DCP2: variants seen among roughly 807,000 people sequenced by gnomAD.
DCP2 encodes the protein decapping mRNA 2, also known as m7GpppN-mRNA hydrolase.
Under a neutral mutation model 56.1 loss-of-function variants are expected in DCP2, and 30 were observed. That is an observed-to-expected ratio of 0.53 (90% confidence interval 0.40 to 0.73). The LOEUF (loss-of-function observed/expected upper bound fraction) is 0.73, where lower values mean the gene tolerates loss of function less well. Ranked by LOEUF, DCP2 falls within the 30% of genes least tolerant of loss-of-function variation. The pLI is 0.00. For synonymous variants in DCP2, 197 were observed against 163.3 expected (o/e 1.21, Z -1.57); for missense variants, 533 against 502.7 (o/e 1.06, Z -0.58).
chr5:112,986,029 A>G (rs1748267445), intron 2 of DCP2, 43 bp downstream of exon 2: 2 of 1,474,158 alleles, frequency 1.4e-6, no homozygotes, highest in East Asian at 2.3e-5. Flanking sequence ...CTTGTTAGCA[A>G]TATATTTTAG....
chr5:113,005,223 A>G (rs924683539), intron 8 of DCP2, among the ~76,000 whole-genome samples: 9 of 152,030 alleles, frequency 5.9e-5, no homozygotes, highest in African/African-American at 1.7e-4. Context: ...TTTTCAAAAT[A>G]GTGAAAAAGT....
intron 10 of DCP2, among the ~76,000 whole-genome samples, chr5:113,011,211 T>A (rs146945719): frequency 2.6e-4 from 39 of 152,298 alleles, no homozygotes; most frequent in African/African-American, 9.4e-4. Flanking sequence ...CTGTGGTTCT[T>A]CCCATACACA....
At chr5:113,000,062 A>C (rs1164692927) in intron 4 of DCP2, among the ~76,000 whole-genome samples, 2 of 17,962 alleles carry the variant, frequency 1.1e-4, no homozygotes, top group African/African-American at 2.5e-4. Flanking sequence ...ACTCCATCTC[A>C]AAAAAAAAAA....
At chr5:113,000,337 AGATTG>A (rs1749100339) in intron 4 of DCP2, among the ~76,000 whole-genome samples, 2 of 151,090 alleles carry the variant, frequency 1.3e-5, no homozygotes, top group African/African-American at 2.4e-5. Context: ...CAAAGTACTG[AGATTG>A]CAGGTGTGAG....
At chr5:113,012,758 C>G (rs369550422) in intron 10 of DCP2, among the ~76,000 whole-genome samples, 6 of 152,338 alleles carry the variant, frequency 3.9e-5, no homozygotes, top group African/African-American at 1.4e-4. Flanking sequence ...ATTCTCCTGC[C>G]TCAGCCTTCT....
At chr5:112,992,296 C>T (rs200196693) in intron 3 of DCP2, 48 bp downstream of exon 3, 5 of 1,572,882 alleles carry the variant, frequency 3.2e-6, no homozygotes, top group African/African-American at 2.8e-5. Context: ...GATCGTTAAT[C>T]TGTTAACAAA....
intron 7 of DCP2, among the ~76,000 whole-genome samples, chr5:113,003,494 C>T (rs1037739799): frequency 3.3e-5 from 5 of 151,920 alleles, no homozygotes; most frequent in East Asian, 1.9e-4. Context: ...GAGGATGGCT[C>T]GAGCCTGAGA....
chr5:112,980,097 A>T (rs773272023), intron 1 of DCP2, among the ~76,000 whole-genome samples: 5 of 152,210 alleles, frequency 3.3e-5, no homozygotes, highest in Admixed American at 6.5e-5. Context: ...TTTTATGGTG[A>T]TACTTGTTTT....
rs538443876 is a variant in DCP2 at position 113,021,175 on chromosome 5, C to T, written c.*7691C>T. On this transcript the variant is annotated 3_prime_UTR_variant, in exon 11 of 11. Coordinates refer to ENST00000389063, the MANE Select transcript of DCP2 (RefSeq NM_152624.6). ...TGGGTGGATCACGAGGTCAGGAGTTCGAGACCAGCCTGACCAACATGGTGA... is the reference window on the plus strand; with the variant it reads ...TGGGTGGATCACGAGGTCAGGAGTTTGAGACCAGCCTGACCAACATGGTGA... Among the ~76,000 whole-genome samples the T allele has an allele frequency of 5.3e-5, 8 of 152,000 alleles. No individual in the cohort carries two copies. Among genetic ancestry groups the T allele is most frequent in the South Asian group, 2.1e-4 (1 of 4,802 alleles).
rs867772049 is a variant in DCP2 at position 113,019,184 on chromosome 5, G to C, written c.*5700G>C. On this transcript the variant is annotated 3_prime_UTR_variant, in exon 11 of 11. Coordinates refer to ENST00000389063, the MANE Select transcript of DCP2 (RefSeq NM_152624.6). ...ACAAGTCTGCATTGTCATTTTTTAA[G>C]AGATTGGCAGGCATATCCTTTTGTG... is the stretch of plus-strand genomic sequence containing the variant. The C allele has an allele frequency of 3.9e-5, 6 of 152,320 alleles. No homozygotes were observed. The highest frequency in any genetic ancestry group is 3.4e-3 in the Middle Eastern group (1 of 294). 9.4% of individuals were successfully genotyped at this position (152,320 alleles called of 1,614,324 possible).
intron 9 of DCP2, 102 bp downstream of exon 9, chr5:113,008,144 T>G: frequency 1.1e-6 from 1 of 948,282 alleles, no homozygotes; most frequent in Non-Finnish European, 1.6e-6. Flanking sequence ...TGTTCTTATT[T>G]TAATTGATAT....
chr5:113,021,349 C>T lies in DCP2; in HGVS notation c.*7865C>T, dbSNP rs1016206689. Among the ~76,000 whole-genome samples the T allele has an allele frequency of 3.9e-5, 5 of 127,724 alleles. No homozygotes were observed. Among genetic ancestry groups the T allele is most frequent in the Admixed American group, 9.5e-5 (1 of 10,508 alleles). 83.8% of individuals were successfully genotyped at this position (127,724 alleles called of 152,430 possible). A position where few individuals can be genotyped will look rare whatever the true frequency, so the allele number is the denominator to read the frequency against. Reference sequence around the variant, plus strand: ...ACCACTGCACTCCAGCCTGGGTGAACAGAGCAAGACTCTGTCTGGAAAAAA... The same window carrying T: ...ACCACTGCACTCCAGCCTGGGTGAATAGAGCAAGACTCTGTCTGGAAAAAA... On this transcript the variant is annotated 3_prime_UTR_variant, in exon 11 of 11. Coordinates refer to ENST00000389063, the MANE Select transcript of DCP2 (RefSeq NM_152624.6).
At position 113,017,408 on chromosome 5, in the gene DCP2, T is replaced by C. The variant is rs148867599; in HGVS notation, c.*3924T>C. The stretch of plus-strand genomic sequence containing the variant: ...GTACTCCTGACAGCTTGGTAAAGTC[T>C]AGGTAGAGTTTCTGATTTTGTATTA... On this transcript the variant is annotated 3_prime_UTR_variant, in exon 11 of 11. Transcript: ENST00000389063. The C allele has an allele frequency of 6.6e-6, 1 of 152,188 alleles. No homozygotes were observed. The highest frequency in any genetic ancestry group is 2.4e-5 in the African/African-American group (1 of 41,446). 9.4% of individuals were successfully genotyped at this position (152,188 alleles called of 1,614,324 possible). A position where few individuals can be genotyped will look rare whatever the true frequency, so the allele number is the denominator to read the frequency against.
rs183659334 is a variant in DCP2, at chr5:113,022,084, A to G, written c.*8600A>G. 1 of 152,474 alleles carries G rather than the reference A, an allele frequency of 6.6e-6. No homozygotes were observed. The highest frequency in any genetic ancestry group is 6.5e-5 in the Admixed American group (1 of 15,302). 9.4% of individuals were successfully genotyped at this position (152,474 alleles called of 1,614,324 possible). A position where few individuals can be genotyped will look rare whatever the true frequency, so the allele number is the denominator to read the frequency against. ...ACAGAAGGATAGCCTTACCCTTTAAATAACACAGTTAAGGTACACTGTGGA... is the reference window on the plus strand; with the variant it reads ...ACAGAAGGATAGCCTTACCCTTTAAGTAACACAGTTAAGGTACACTGTGGA... On this transcript the variant is annotated 3_prime_UTR_variant, in exon 11 of 11. Coordinates refer to ENST00000389063, the MANE Select transcript of DCP2 (RefSeq NM_152624.6).
intron 7 of DCP2, among the ~76,000 whole-genome samples, chr5:113,003,279 G>A (rs1364077642): frequency 2.6e-5 from 4 of 152,202 alleles, no homozygotes; most frequent in Non-Finnish European, 5.9e-5. Context: ...AGATTCTTTT[G>A]CAGAAGAATT....
intron 4 of DCP2, 144 bp downstream of exon 4, chr5:112,992,914 T>A (rs984450993): frequency 4.9e-5 from 22 of 444,684 alleles, no homozygotes; most frequent in Non-Finnish European, 6.8e-5. Context: ...TTTTTTTTTT[T>A]AAATCACTGT....
In DCP2 at chr5:113,017,896, A is replaced by AT. The variant is rs1257823433; in HGVS notation, c.*4419dup. 5 of 152,126 alleles carry AT rather than the reference A, an allele frequency of 3.3e-5. No homozygotes were observed. In the East Asian group the frequency reaches 7.7e-4, roughly 23 times the overall value. The allele number at this position is 152,126 out of a possible 1,614,324, so 9.4% of individuals were successfully genotyped here. A position where few individuals can be genotyped will look rare whatever the true frequency, so the allele number is the denominator to read the frequency against. ...TGTTTTCTAGCCCTGGATAAAGTTA[A>AT]TTTTTTTGAAGTTTGATTGCCAAGC... On this transcript the variant is annotated 3_prime_UTR_variant, in exon 11 of 11. Coordinates refer to ENST00000389063, the MANE Select transcript of DCP2 (RefSeq NM_152624.6).
chr5:112,997,683 C>G (rs960861766), intron 4 of DCP2, among the ~76,000 whole-genome samples: 1 of 149,234 alleles, frequency 6.7e-6, no homozygotes. Context: ...GATCTCAGTT[C>G]ACTGCACCCC....
chr5:112,988,004 T>C (rs549883961), intron 2 of DCP2, among the ~76,000 whole-genome samples: 1 of 152,182 alleles, frequency 6.6e-6, no homozygotes, highest in African/African-American at 2.4e-5. Context: ...AGAGTTGGAG[T>C]AGGGATAGGT....
Sources: allele counts gnomAD v4.1 joint callset (sites outside exome capture counted in the v4.1 genomes callset), GRCh38; gene constraint gnomAD v4.1.1; transcripts MANE v1.5; gene names NCBI Gene and HGNC (gene_info 2026-07-23, HGNC 2026-07-21).